Variants in LGSN observed in about 807,000 individuals in gnomAD.
LGSN encodes lengsin.
A neutral mutation model predicts 19.5 loss-of-function variants in LGSN; 21 were observed. The ratio of observed to expected loss-of-function variants is 1.07; its 90% CI spans 0.76 to 1.55. The LOEUF (loss-of-function observed/expected upper bound fraction) is 1.55. Ranked by LOEUF, LGSN falls within the 40% of genes most tolerant of loss-of-function variation. LGSN has a pLI of 0.00. For missense variants in LGSN, 673 were observed against 608.5 expected, an observed-to-expected ratio of 1.11 and a Z score of -1.12; for synonymous variants, 257 against 215.6, an observed-to-expected ratio of 1.19 and a Z score of -1.68.
At chr6:63,441,201 T>G in the LGSN span, 1 of 257,362 alleles carries the variant, frequency 3.9e-6, no homozygotes, top group Non-Finnish European at 7.8e-6. Context: ...AGAGTGAAAC[T>G]CCATCTCAAA....
the LGSN span, among the ~76,000 whole-genome samples, chr6:63,445,389 G>A: frequency 2.0e-5 from 3 of 152,064 alleles, no homozygotes; most frequent in Admixed American, 6.6e-5. Context: ...AGGCCAAGGC[G>A]GGCAGATCAC....
At chr6:63,333,576 G>GAGGA in the LGSN span, among the ~76,000 whole-genome samples, 30 of 124,708 alleles carry the variant, frequency 2.4e-4, no homozygotes, top group East Asian at 4.4e-3. Flanking sequence ...GAGAGAGAGA[G>GAGGA]AGGAAGGAAG....
chr6:63,368,862 C>G, the LGSN span, among the ~76,000 whole-genome samples: 14 of 152,122 alleles, frequency 9.2e-5, no homozygotes, highest in Non-Finnish European at 1.6e-4. Flanking sequence ...AACACATACC[C>G]CATCAGTATT....
chr6:63,381,686 C>G, the LGSN span, among the ~76,000 whole-genome samples: 2 of 152,078 alleles, frequency 1.3e-5, no homozygotes, highest in African/African-American at 2.4e-5. Context: ...TAAGTTGGAC[C>G]AAAATGGCCA....
the LGSN span, among the ~76,000 whole-genome samples, chr6:63,432,179 G>GAAAGAAAAGAAAAGAAAAGAAAAGA: frequency 2.7e-4 from 31 of 113,644 alleles, 1 homozygote; most frequent in South Asian, 9.1e-4. Context: ...GAAAAGGAAA[G>GAAAGAAAAGAAAAGAAAAGAAAAGA]AAAGAAAAGA....
At position 63,278,094 on chromosome 6, in the gene LGSN, C is replaced by T. The variant is rs982332514; in HGVS notation, c.*1927G>A. 1 of 149,534 alleles carries T rather than the reference C, an allele frequency of 6.7e-6. No homozygotes were observed. Among genetic ancestry groups the T allele is most frequent in the Non-Finnish European group, 1.5e-5 (1 of 67,590 alleles). The allele number at this position is 149,534 out of a possible 1,614,324, so 9.3% of individuals were successfully genotyped here. A position where few individuals can be genotyped will look rare whatever the true frequency, so the allele number is the denominator to read the frequency against. On this transcript the variant is annotated 3_prime_UTR_variant, in exon 4 of 4. Coordinates refer to ENST00000370657, the MANE Select transcript of LGSN (RefSeq NM_016571.3). ...CCATCTCGGAAAAAAAAAAAAAATA[C>T]AAGAAAAGAAAAGAAAATGTCCTAA...
chr6:63,455,073 G>C, the LGSN span, among the ~76,000 whole-genome samples: 2 of 152,032 alleles, frequency 1.3e-5, no homozygotes, highest in Non-Finnish European at 2.9e-5. Flanking sequence ...GATTACAGGC[G>C]TGAGCCACCA....
At chr6:63,284,296 CTT>C (rs1767442565) in intron 3 of LGSN, among the ~76,000 whole-genome samples, 1 of 152,018 alleles carries the variant, frequency 6.6e-6, no homozygotes, top group African/African-American at 2.4e-5. Context: ...TCATGATAAA[CTT>C]TTTCTCTAGC....
At chr6:63,339,051 T>C in the LGSN span, among the ~76,000 whole-genome samples, 1 of 152,234 alleles carries the variant, frequency 6.6e-6, no homozygotes, top group South Asian at 2.1e-4. Flanking sequence ...TGATATGATA[T>C]TGACTTTGTT....
chr6:63,572,538 C>G, the LGSN span: 1 of 396,364 alleles, frequency 2.5e-6, no homozygotes, highest in African/African-American at 2.1e-5. Context: ...GCGCTCTGCT[C>G]CGAGCCGCTC....
chr6:63,281,305 ATAT>A (rs200669227), intron 3 of LGSN, 85 bp from the exon 4 acceptor site: 3,162 of 50,966 alleles, frequency 0.062, 141 homozygotes, highest in African/African-American at 0.14. Flanking sequence ...GCTAATGAAA[ATAT>A]ATATATATAT....
the LGSN span, among the ~76,000 whole-genome samples, chr6:63,424,094 CA>C: frequency 6.6e-6 from 1 of 151,734 alleles, no homozygotes; most frequent in Non-Finnish European, 1.5e-5. Flanking sequence ...GCAATACTGA[CA>C]AAGAAAATAA....
chr6:63,548,267 G>T, the LGSN span, among the ~76,000 whole-genome samples: 1 of 152,104 alleles, frequency 6.6e-6, no homozygotes, highest in Non-Finnish European at 1.5e-5. Context: ...CAAATTATTT[G>T]TTGTGTGACA....
At chr6:63,504,244 CTTTT>C in the LGSN span, among the ~76,000 whole-genome samples, 44 of 144,152 alleles carry the variant, frequency 3.1e-4, no homozygotes, top group Admixed American at 3.5e-4. Flanking sequence ...TCAAGCGATT[CTTTT>C]TTTTTTTTTT....
At chr6:63,385,559 T>G in the LGSN span, among the ~76,000 whole-genome samples, 1 of 152,240 alleles carries the variant, frequency 6.6e-6, no homozygotes, top group Admixed American at 6.5e-5. Flanking sequence ...ACTCCTTTAT[T>G]ACTCATCAGT....
chr6:63,320,378 A>G (rs981135736), upstream of LGSN, among the ~76,000 whole-genome samples: 38 of 152,206 alleles, frequency 2.5e-4, 1 homozygote. Flanking sequence ...TACAGCTATA[A>G]GTGACCCAGA....
At chr6:63,326,725 C>T in the LGSN span, among the ~76,000 whole-genome samples, 3 of 152,248 alleles carry the variant, frequency 2.0e-5, no homozygotes, top group African/African-American at 7.2e-5. Flanking sequence ...CCAGGGCCAG[C>T]AGCGCCTGCC....
At chr6:63,512,608 G>C in the LGSN span, among the ~76,000 whole-genome samples, 1 of 152,170 alleles carries the variant, frequency 6.6e-6, no homozygotes, top group African/African-American at 2.4e-5. Context: ...TGTGCAAAGG[G>C]TATGAGACTA....
At chr6:63,384,290 C>A in the LGSN span, among the ~76,000 whole-genome samples, 1 of 152,128 alleles carries the variant, frequency 6.6e-6, no homozygotes, top group East Asian at 1.9e-4. Context: ...ATAATTATGA[C>A]CCCAGTTGTT....
Sources: allele counts gnomAD v4.1 joint callset (sites outside exome capture counted in the v4.1 genomes callset), GRCh38; gene constraint gnomAD v4.1.1; transcripts MANE v1.5; gene names NCBI Gene and HGNC (gene_info 2026-07-23, HGNC 2026-07-21).